SORCS2: variants seen among roughly 807,000 people sequenced by gnomAD.
The protein encoded by SORCS2 is VPS10 domain-containing receptor SorCS2.
In SORCS2, 100 loss-of-function variants were observed where a neutral mutation model predicts 141.6. The ratio of observed to expected loss-of-function variants is 0.71; its 90% CI spans 0.60 to 0.83. The LOEUF (loss-of-function observed/expected upper bound fraction) is 0.83. Ranked by LOEUF, SORCS2 falls within the 40% of genes least tolerant of loss-of-function variation. SORCS2 has a pLI of 0.00. For missense variants in SORCS2, 1,646 were observed against 1,560.2 expected, an observed-to-expected ratio of 1.05 and a Z score of -0.93; for synonymous variants, 789 against 676.9, an observed-to-expected ratio of 1.17 and a Z score of -2.57.
chr4:7,513,660 C>T (rs924236325), intron 2 of SORCS2, among the ~76,000 whole-genome samples: 1 of 152,150 alleles, frequency 6.6e-6, no homozygotes, highest in Non-Finnish European at 1.5e-5. Flanking sequence ...TACCCCAAAC[C>T]CAGCGTTCTG....
intron 1 of SORCS2, among the ~76,000 whole-genome samples, chr4:7,225,011 G>C (rs994337250): frequency 5.9e-5 from 9 of 152,208 alleles, no homozygotes; most frequent in African/African-American, 2.2e-4. Context: ...TGCTTCCAAG[G>C]GAGAGAGAAA....
At chr4:7,660,903 C>G (rs6834682) in intron 5 of SORCS2, among the ~76,000 whole-genome samples, 142,611 of 152,172 alleles carry the variant, frequency 0.94, 67,500 homozygotes, top group East Asian at 1. Context: ...GCTGAGAGAG[C>G]AATCTTCCCA....
chr4:7,369,700 T>C (rs547132848), intron 1 of SORCS2, among the ~76,000 whole-genome samples: 67 of 152,324 alleles, frequency 4.4e-4, no homozygotes, highest in African/African-American at 1.6e-3. Context: ...CTGGAGGTCC[T>C]GGCCAGCCCC....
intron 3 of SORCS2, among the ~76,000 whole-genome samples, chr4:7,587,787 G>T (rs1201934067): frequency 6.6e-6 from 1 of 152,012 alleles, no homozygotes; most frequent in African/African-American, 2.4e-5. Flanking sequence ...CCAGCTGCAG[G>T]GCCTGTCAGT....
At chr4:7,295,348 G>A (rs1716973021) in intron 1 of SORCS2, among the ~76,000 whole-genome samples, 1 of 151,412 alleles carries the variant, frequency 6.6e-6, no homozygotes, top group Admixed American at 6.6e-5. Context: ...CAGACTCCTG[G>A]CCAGGACCGC....
chr4:7,662,742 C>T (rs905141173), intron 6 of SORCS2, among the ~76,000 whole-genome samples: 1 of 152,232 alleles, frequency 6.6e-6, no homozygotes, highest in Non-Finnish European at 1.5e-5. Flanking sequence ...TTTTCAACTC[C>T]ATATTCACCA....
chr4:7,725,284 G>T lies in SORCS2; in HGVS notation c.2742G>T (p.Leu914=). ...TVFYWWIGHS[L]QPLLSLDNSV... is the part of the protein sequence containing the mutation. ...TCTACTGGTGGATCGGCCACAGCCT[G>T]CAGGTGCGCTGGCTTTGCCCCAACT... The change falls in exon 20 of 27, where the codon CTG becomes CTT. Residue 914 remains leucine (L), a synonymous_variant. Transcript: ENST00000507866. 1 of 1,612,604 alleles carries T rather than the reference G, an allele frequency of 6.2e-7. No individual in the cohort carries two copies. The highest frequency in any genetic ancestry group is 8.5e-7 in the Non-Finnish European group (1 of 1,179,334).
intron 1 of SORCS2, among the ~76,000 whole-genome samples, chr4:7,306,055 TG>T (rs1717803894): frequency 2.0e-5 from 3 of 152,206 alleles, no homozygotes; most frequent in Admixed American, 2.0e-4. Context: ...GACACACTCT[TG>T]GGCTTGCTGT....
intron 1 of SORCS2, among the ~76,000 whole-genome samples, chr4:7,375,884 G>A (rs910472186): frequency 1.5e-5 from 2 of 133,042 alleles, no homozygotes; most frequent in Admixed American, 7.0e-5. Flanking sequence ...ACCATCGGCC[G>A]CTTGTTATTC....
chr4:7,603,454 C>G (rs1035025454), intron 3 of SORCS2, among the ~76,000 whole-genome samples: 37 of 152,222 alleles, frequency 2.4e-4, no homozygotes, highest in Admixed American at 1.2e-3. Context: ...TACCATATCA[C>G]TCAAGAATTC....
rs1368902419 is a variant in SORCS2, at chr4:7,682,757, A to T, written c.1356A>T (p.Lys452Asn). ...TTTTGTCCCAGGTCAGAGGGGTGAA[A>T]GGAGTCTTCCTGGCAAACCAAAAAA... ...LIDILEVRGV[K>N]GVFLANQKID... The change falls in exon 10 of 27, where the codon AAA (lysine) becomes AAT (asparagine). Residue 452 changes from lysine (K) to asparagine (N), a missense_variant. Lys to Asn is a moderately conservative substitution (Grantham distance 94). Transcript: ENST00000507866. 1 of 1,611,044 alleles carries T rather than the reference A, an allele frequency of 6.2e-7. No homozygotes were observed. Among genetic ancestry groups the T allele is most frequent in the Non-Finnish European group, 8.5e-7 (1 of 1,178,576 alleles).
At chr4:7,482,151 G>A (rs556542751) in intron 2 of SORCS2, among the ~76,000 whole-genome samples, 5 of 42,018 alleles carry the variant, frequency 1.2e-4, no homozygotes, top group African/African-American at 3.8e-4. Context: ...TCCCCGCTGC[G>A]GACACCCCTG....
intron 1 of SORCS2, among the ~76,000 whole-genome samples, chr4:7,202,017 C>G (rs925047387): frequency 3.3e-5 from 5 of 150,530 alleles, no homozygotes; most frequent in African/African-American, 1.2e-4. Context: ...AGCTTGGATT[C>G]TGGGTGTAGA....
At chr4:7,211,254 A>G (rs1247480912) in intron 1 of SORCS2, among the ~76,000 whole-genome samples, 1 of 151,756 alleles carries the variant, frequency 6.6e-6, no homozygotes, top group African/African-American at 2.4e-5. Flanking sequence ...AGGCATTGCC[A>G]GGGCGCAGAC....
At chr4:7,374,687 A>G (rs186005783) in intron 1 of SORCS2, among the ~76,000 whole-genome samples, 30 of 152,238 alleles carry the variant, frequency 2.0e-4, no homozygotes, top group Middle Eastern at 3.4e-3. Context: ...TGAACAGCCC[A>G]CACATTTGCA....
chr4:7,239,322 G>A (rs890562507), intron 1 of SORCS2, among the ~76,000 whole-genome samples: 2 of 152,244 alleles, frequency 1.3e-5, no homozygotes, highest in African/African-American at 4.8e-5. Context: ...GGCTGTGGCC[G>A]GGAGGGCCCC....
At chr4:7,534,738 C>T (rs554817242) in intron 3 of SORCS2, among the ~76,000 whole-genome samples, 5 of 152,346 alleles carry the variant, frequency 3.3e-5, no homozygotes, top group African/African-American at 1.2e-4. Flanking sequence ...TTGGAAAAGC[C>T]AAGGAAATGG....
intron 3 of SORCS2, among the ~76,000 whole-genome samples, chr4:7,579,193 T>C (rs1715973969): frequency 6.6e-6 from 1 of 152,232 alleles, no homozygotes; most frequent in Non-Finnish European, 1.5e-5. Context: ...TGAGAAAGTC[T>C]CTTAATCTGT....
chr4:7,628,450 T>C (rs1279365737), intron 3 of SORCS2, among the ~76,000 whole-genome samples: 3 of 148,824 alleles, frequency 2.0e-5, no homozygotes, highest in South Asian at 2.1e-4. Flanking sequence ...ACCCGGGAGA[T>C]GGAGCTTGCA....
Sources: allele counts gnomAD v4.1 joint callset (sites outside exome capture counted in the v4.1 genomes callset), GRCh38; gene constraint gnomAD v4.1.1; transcripts MANE v1.5; gene names NCBI Gene and HGNC (gene_info 2026-07-23, HGNC 2026-07-21).